The following TRMT11 variants were observed in gnomAD, a reference collection of about 807,000 sequenced individuals.
TRMT11 encodes tRNA methyltransferase 11, also known as tRNA (guanine(10)-N(2))-methyltransferase TRMT11.
Under a neutral mutation model 62.8 loss-of-function variants are expected in TRMT11, and 53 were observed. The ratio of observed to expected loss-of-function variants is 0.84; its 90% CI spans 0.68 to 1.06. TRMT11 has a LOEUF of 1.06. Ranked by LOEUF, TRMT11 falls within the 50% of genes least tolerant of loss-of-function variation. The pLI, the probability that TRMT11 is intolerant of heterozygous loss-of-function variation, is 0.00. For synonymous variants in TRMT11, 188 were observed against 190.3 expected (o/e 0.99, Z 0.10); for missense variants, 556 against 553.4 (o/e 1.00, Z -0.05).
chr6:126,233,140 T>C, the TRMT11 span, among the ~76,000 whole-genome samples: 1 of 152,194 alleles, frequency 6.6e-6, no homozygotes, highest in Non-Finnish European at 1.5e-5. Context: ...ATGTTTTAAT[T>C]TGTACCAAAT....
At position 126,131,162 on chromosome 6, in the gene TRMT11, GATA is replaced by G. The variant is rs1195837956; in HGVS notation, c.*1823+15314_*1823+15316del. On this transcript the variant is annotated intron_variant and NMD_transcript_variant, in intron 21 of 22. Coordinates refer to the TRMT11 transcript ENST00000648977. Reference sequence around the variant, plus strand: ...CTTTAAAAAAATCTACCACAGAAAGGATAATAATAGCTTTCATGTCTGAAGACA... The same window carrying G: ...CTTTAAAAAAATCTACCACAGAAAGGATAATAGCTTTCATGTCTGAAGACA... Among the ~76,000 whole-genome samples, 3 of 152,158 alleles carry G rather than the reference GATA, an allele frequency of 2.0e-5. No individual in the cohort carries two copies. In the East Asian group the frequency reaches 5.8e-4, roughly 29 times the overall value.
chr6:126,006,648 C>CCAG (rs926114474), intron 7 of TRMT11, among the ~76,000 whole-genome samples: 2 of 151,416 alleles, frequency 1.3e-5, no homozygotes, highest in Non-Finnish European at 1.5e-5. Context: ...CTAAAAAACT[C>CCAG]CAACTGAGGT....
chr6:126,086,552 A>C (rs1477706152), intron 17 of TRMT11, among the ~76,000 whole-genome samples: 1 of 152,038 alleles, frequency 6.6e-6, no homozygotes, highest in Non-Finnish European at 1.5e-5. Context: ...TGCTGTGTCT[A>C]CCTCATCCCG....
At chr6:126,232,148 T>G in the TRMT11 span, among the ~76,000 whole-genome samples, 2 of 150,008 alleles carry the variant, frequency 1.3e-5, no homozygotes, top group Non-Finnish European at 3.0e-5. Flanking sequence ...ACATTTGTGT[T>G]TGTGTGTGTG....
chr6:126,219,746 T>C, the TRMT11 span, among the ~76,000 whole-genome samples: 1 of 152,236 alleles, frequency 6.6e-6, no homozygotes, highest in Admixed American at 6.5e-5. Context: ...ACAAGTACTT[T>C]TTGTTTTTAC....
chr6:126,068,033 A>G (rs1318020537), intron 17 of TRMT11, among the ~76,000 whole-genome samples: 1 of 152,150 alleles, frequency 6.6e-6, no homozygotes, highest in African/African-American at 2.4e-5. Flanking sequence ...CTTACTGCTT[A>G]TAATTTTTAT....
intron 16 of TRMT11, among the ~76,000 whole-genome samples, chr6:126,047,905 C>G (rs1349019613): frequency 6.6e-6 from 1 of 152,202 alleles, no homozygotes; most frequent in Non-Finnish European, 1.5e-5. Flanking sequence ...GTAGATCAAA[C>G]AGACCTCATG....
At chr6:126,091,954 A>T (rs1777282197) in intron 17 of TRMT11, among the ~76,000 whole-genome samples, 1 of 152,208 alleles carries the variant, frequency 6.6e-6, no homozygotes, top group South Asian at 2.1e-4. Context: ...CCATGTGTTT[A>T]AATGATTTAG....
At chr6:126,123,289 G>A (rs1777670580) in intron 21 of TRMT11, among the ~76,000 whole-genome samples, 1 of 152,220 alleles carries the variant, frequency 6.6e-6, no homozygotes, top group African/African-American at 2.4e-5. Context: ...CTGTAGTAGA[G>A]TTGGAGCCAT....
chr6:126,193,534 T>TCA (rs1778629879), intron 1 of TRMT11, among the ~76,000 whole-genome samples: 1 of 142,512 alleles, frequency 7.0e-6, no homozygotes, highest in African/African-American at 2.7e-5. Context: ...TCTCACTCTG[T>TCA]CACCCAGGCT....
At chr6:126,030,448 T>C (rs958054262) in intron 12 of TRMT11, among the ~76,000 whole-genome samples, 1 of 152,204 alleles carries the variant, frequency 6.6e-6, no homozygotes, top group Non-Finnish European at 1.5e-5. Context: ...GCCTTCTTCC[T>C]CACACCTTAC....
chr6:126,098,376 C>A (rs956798409), intron 17 of TRMT11, among the ~76,000 whole-genome samples: 6 of 152,142 alleles, frequency 3.9e-5, no homozygotes, highest in African/African-American at 1.4e-4. Flanking sequence ...AAGAATAATT[C>A]TATGTGAATC....
intron 21 of TRMT11, among the ~76,000 whole-genome samples, chr6:126,160,705 T>A (rs1341334237): frequency 6.6e-6 from 1 of 152,122 alleles, no homozygotes; most frequent in Admixed American, 6.6e-5. Context: ...CTCACAGACA[T>A]GACGAGACCT....
intron 11 of TRMT11, among the ~76,000 whole-genome samples, chr6:126,014,150 T>A (rs1794655630): frequency 6.6e-6 from 1 of 152,226 alleles, no homozygotes; most frequent in Non-Finnish European, 1.5e-5. Context: ...TGTTTAAATT[T>A]GAAAGGTATT....
At chr6:126,070,209 T>G (rs1424725897) in intron 17 of TRMT11, among the ~76,000 whole-genome samples, 4 of 152,176 alleles carry the variant, frequency 2.6e-5, no homozygotes, top group African/African-American at 9.7e-5. Flanking sequence ...TTTTTGGCTT[T>G]CTTTCTGGGA....
At chr6:126,066,451 G>A (rs1399885327) in intron 17 of TRMT11, among the ~76,000 whole-genome samples, 1 of 152,170 alleles carries the variant, frequency 6.6e-6, no homozygotes, top group East Asian at 1.9e-4. Context: ...TCCTCATATG[G>A]CCTTTCTTGG....
intron 1 of TRMT11, among the ~76,000 whole-genome samples, chr6:126,185,230 A>C (rs150896305): frequency 1.6e-4 from 25 of 152,328 alleles, no homozygotes; most frequent in African/African-American, 4.6e-4. Flanking sequence ...AGTGAAGGAT[A>C]GAGTCAGTAG....
chr6:126,064,602 TTGAAACTG>T lies in TRMT11; in HGVS notation c.*1437+11414_*1437+11421del, dbSNP rs201694486. 9.2e-4 allele frequency among the ~76,000 whole-genome samples: 140 copies of T among 152,124 alleles called. 2 individuals are homozygous for T. In the East Asian group the frequency reaches 0.024, roughly 26 times the overall value. ...TCACCACGAAAGATTAGAGACAATTTTGAAACTGTATTTAATAACCATGACAATTTATG... is the reference window on the plus strand; with the variant it reads ...TCACCACGAAAGATTAGAGACAATTTTATTTAATAACCATGACAATTTATG... On this transcript the variant is annotated intron_variant and NMD_transcript_variant, in intron 17 of 22. Transcript: ENST00000648977.
At chr6:126,129,824 A>G (rs1291376278) in intron 21 of TRMT11, among the ~76,000 whole-genome samples, 2 of 152,214 alleles carry the variant, frequency 1.3e-5, no homozygotes, top group African/African-American at 2.4e-5. Context: ...ACTGTAGTCT[A>G]TAATTTTCTA....
Sources: allele counts gnomAD v4.1 joint callset (sites outside exome capture counted in the v4.1 genomes callset), GRCh38; gene constraint gnomAD v4.1.1; transcripts MANE v1.5; gene names NCBI Gene and HGNC (gene_info 2026-07-23, HGNC 2026-07-21).